Variants in GMPS observed in about 807,000 individuals in gnomAD.
GMPS encodes GMP synthase [glutamine-hydrolyzing].
GMPS carries 15 observed loss-of-function variants against 77.9 expected under a neutral mutation model. The observed-to-expected ratio is 0.19, with a 90% CI of 0.13 to 0.30. The LOEUF is 0.30. Ranked by LOEUF, GMPS falls within the 10% of genes least tolerant of loss-of-function variation. The pLI, the probability that GMPS is intolerant of heterozygous loss-of-function variation, is 1.00. For synonymous variants in GMPS, 224 were observed against 275.9 expected (o/e 0.81, Z 1.86); for missense variants, 590 against 838.8 (o/e 0.70, Z 3.66).
intron 1 of GMPS, among the ~76,000 whole-genome samples, chr3:155,879,469 G>A (rs112982999): frequency 0.043 from 6,582 of 151,578 alleles, 254 homozygotes; most frequent in East Asian, 0.18. Context: ...GTTTTCCCAC[G>A]TTGGTCAGGC....
In GMPS at chr3:155,906,124, T is replaced by A. The variant is rs764434272; in HGVS notation, c.423-36T>A. 4.2e-6 allele frequency: 5 copies of A among 1,196,452 alleles called. No homozygotes were observed. The South Asian group carries it at 7.2e-5, about 17-fold the overall frequency. The allele number at this position is 1,196,452 out of a possible 1,614,324, so 74.1% of individuals were successfully genotyped here. On this transcript the variant is annotated intron_variant, in intron 4 of 15. Coordinates refer to ENST00000496455, the MANE Select transcript of GMPS (RefSeq NM_003875.3). ...AGAACCCATGAATCATGTTTTTAAT[T>A]AAGATATTTGTGTGTTTTATTTTTT... is the stretch of plus-strand genomic sequence containing the variant.
chr3:155,913,821 T>A (rs1275936373), intron 7 of GMPS, among the ~76,000 whole-genome samples: 1 of 150,574 alleles, frequency 6.6e-6, no homozygotes, highest in Non-Finnish European at 1.5e-5. Context: ...GTGCCGGCCC[T>A]AATCAGCATA....
intron 3 of GMPS, among the ~76,000 whole-genome samples, chr3:155,899,334 C>G (rs1754676648): frequency 6.6e-6 from 1 of 151,442 alleles, no homozygotes; most frequent in Non-Finnish European, 1.5e-5. Context: ...TGCCGTTGCA[C>G]TCCAGCCTCA....
intron 2 of GMPS, chr3:155,895,305 T>C (rs1478565179): frequency 6.6e-6 from 1 of 152,146 alleles, no homozygotes; most frequent in South Asian, 2.1e-4. Flanking sequence ...TATTTTTATT[T>C]TTTTTTTATT....
chr3:155,922,885 T>C (rs1755352158), intron 11 of GMPS, among the ~76,000 whole-genome samples: 1 of 152,170 alleles, frequency 6.6e-6, no homozygotes, highest in Non-Finnish European at 1.5e-5. Flanking sequence ...AATTTTAAAG[T>C]GGATCTGGGT....
intron 4 of GMPS, among the ~76,000 whole-genome samples, chr3:155,904,471 G>A (rs900034458): frequency 6.6e-6 from 1 of 151,872 alleles, no homozygotes; most frequent in Non-Finnish European, 1.5e-5. Context: ...TGTATTTTTA[G>A]TAGAGACAGG....
intron 15 of GMPS, among the ~76,000 whole-genome samples, 162 bp downstream of exon 15, chr3:155,936,672 G>A (rs1041883487): frequency 4.6e-5 from 7 of 151,830 alleles, no homozygotes; most frequent in African/African-American, 1.7e-4. Flanking sequence ...TTAATACACT[G>A]GGGCAGAAAA....
chr3:155,919,060 C>T (rs193186549), intron 9 of GMPS, among the ~76,000 whole-genome samples, 173 bp from the exon 10 acceptor site: 5 of 152,284 alleles, frequency 3.3e-5, no homozygotes, highest in African/African-American at 2.4e-5. Context: ...ATAAGATATT[C>T]GTCTAATTCC....
rs978027982 is a variant in GMPS at position 155,938,943 on chromosome 3, C to T, written c.*1251C>T. 1 of 217,182 alleles carries T rather than the reference C, an allele frequency of 4.6e-6. No homozygotes were observed. Among genetic ancestry groups the T allele is most frequent in the Non-Finnish European group, 9.2e-6 (1 of 108,190 alleles). The allele number at this position is 217,182 out of a possible 1,614,324, so 13.5% of individuals were successfully genotyped here. On this transcript the variant is annotated 3_prime_UTR_variant, in exon 16 of 16. Coordinates refer to ENST00000496455, the MANE Select transcript of GMPS (RefSeq NM_003875.3). ...TTACCATATTTTTCTCTTAACAATT[C>T]CATCTCAGGTTGCTGCTGCTTGTCT...
At chr3:155,887,264 G>T (rs941210137) in intron 1 of GMPS, among the ~76,000 whole-genome samples, 21 of 152,108 alleles carry the variant, frequency 1.4e-4, no homozygotes, top group African/African-American at 4.8e-4. Flanking sequence ...AGCAAAGGAA[G>T]ATTTGAATCT....
intron 1 of GMPS, among the ~76,000 whole-genome samples, chr3:155,882,779 A>G (rs907384322): frequency 6.6e-6 from 1 of 152,250 alleles, no homozygotes; most frequent in African/African-American, 2.4e-5. Context: ...AACTGGTAAC[A>G]GTTTGCTTAA....
rs78474673 is a variant in GMPS at position 155,943,824 on chromosome 3, G to T, written c.*6132G>T. On this transcript the variant is annotated 3_prime_UTR_variant, in exon 16 of 16. Coordinates refer to ENST00000496455, the MANE Select transcript of GMPS (RefSeq NM_003875.3). The stretch of plus-strand genomic sequence containing the variant: ...GATATTATCAGAATATGGGACATAA[G>T]AAATTGCATATAGTGTCAAGGGTTT... The T allele has an allele frequency of 0.011, 1,764 of 155,340 alleles. 19 individuals are homozygous for T. The highest frequency in any genetic ancestry group is 0.042 in the Middle Eastern group (13 of 310). The allele number at this position is 155,340 out of a possible 1,614,324, so 9.6% of individuals were successfully genotyped here. A position where few individuals can be genotyped will look rare whatever the true frequency, so the allele number is the denominator to read the frequency against.
intron 1 of GMPS, among the ~76,000 whole-genome samples, chr3:155,893,180 T>C (rs1166137991): frequency 6.6e-6 from 1 of 152,198 alleles, no homozygotes; most frequent in African/African-American, 2.4e-5. Context: ...ATAATGCCCA[T>C]GTAATAAACA....
At chr3:155,912,153 G>C (rs895737851) in intron 7 of GMPS, among the ~76,000 whole-genome samples, 1 of 152,182 alleles carries the variant, frequency 6.6e-6, no homozygotes, top group Non-Finnish European at 1.5e-5. Context: ...AATTGGAATT[G>C]ATACCAAAAG....
chr3:155,940,740 G>GTTTTTTTTTTTT lies in GMPS; in HGVS notation c.*3055_*3066dup, dbSNP rs77440100. ...AGACAGAATGGAGAAGCTGGATAGT[G>GTTTTTTTTTTTT]TTTTTTTTTTTTTTTTTTAAGGTTC... is the stretch of plus-strand genomic sequence containing the variant. On this transcript the variant is annotated 3_prime_UTR_variant, in exon 16 of 16. Transcript: ENST00000496455. 5.7e-6 allele frequency: 1 copy of GTTTTTTTTTTTT among 174,988 alleles called. No individual in the cohort carries two copies. The highest frequency in any genetic ancestry group is 1.2e-5 in the Non-Finnish European group (1 of 86,036). The allele number at this position is 174,988 out of a possible 1,614,324, so 10.8% of individuals were successfully genotyped here. A position where few individuals can be genotyped will look rare whatever the true frequency, so the allele number is the denominator to read the frequency against.
In GMPS at chr3:155,882,235, A is replaced by G. The variant is rs1173455842; in HGVS notation, c.28-11283A>G. 2.6e-5 allele frequency among the ~76,000 whole-genome samples: 4 copies of G among 152,216 alleles called. No homozygotes were observed. In the East Asian group the frequency reaches 7.7e-4, roughly 29 times the overall value. On this transcript the variant is annotated intron_variant, in intron 1 of 15. Coordinates refer to ENST00000496455, the MANE Select transcript of GMPS (RefSeq NM_003875.3). ...GCAGACTTAAGTGATAAAATCATGG[A>G]TACAGGGAATGATGAAGAATTAGGG... is the stretch of plus-strand genomic sequence containing the variant.
chr3:155,938,870 G>A lies in GMPS; in HGVS notation c.*1178G>A, dbSNP rs1370036876. The A allele has an allele frequency of 1.4e-5, 3 of 214,322 alleles. No individual in the cohort carries two copies. The highest frequency in any genetic ancestry group is 2.3e-5 in the African/African-American group (1 of 44,304). 13.3% of individuals were successfully genotyped at this position (214,322 alleles called of 1,614,324 possible). On this transcript the variant is annotated 3_prime_UTR_variant, in exon 16 of 16. Coordinates refer to ENST00000496455, the MANE Select transcript of GMPS (RefSeq NM_003875.3). ...AACATTCACATAAGTACTGTAGACA[G>A]TAGTAGACTTAAACTCTCCGTTTCT...
Position 155,943,620 on chromosome 3 carries a change from T to C in GMPS, c.*5928T>C. 1 of 178,200 alleles carries C rather than the reference T, an allele frequency of 5.6e-6. No homozygotes were observed. The highest frequency in any genetic ancestry group is 1.2e-5 in the Non-Finnish European group (1 of 82,872). 11.0% of individuals were successfully genotyped at this position (178,200 alleles called of 1,614,324 possible). On this transcript the variant is annotated 3_prime_UTR_variant, in exon 16 of 16. Transcript: ENST00000496455. ...CACTGTGTAATTGTTAATTGTAAAC[T>C]GCAATGTCTATTTTGTGTTGTAACA...
intron 10 of GMPS, among the ~76,000 whole-genome samples, chr3:155,920,737 G>A (rs1755299539): frequency 6.6e-6 from 1 of 151,968 alleles, no homozygotes; most frequent in Non-Finnish European, 1.5e-5. Context: ...AGACTTCATT[G>A]GCAAAAATGG....
Sources: allele counts gnomAD v4.1 joint callset (sites outside exome capture counted in the v4.1 genomes callset), GRCh38; gene constraint gnomAD v4.1.1; transcripts MANE v1.5; gene names NCBI Gene and HGNC (gene_info 2026-07-23, HGNC 2026-07-21).